The following HEPHL1 variants were observed in gnomAD, a reference collection of about 807,000 sequenced individuals.
The protein encoded by HEPHL1 is ferroxidase HEPHL1.
HEPHL1 carries 123 observed loss-of-function variants against 122.0 expected under a neutral mutation model. The observed-to-expected ratio is 1.01, with a 90% CI of 0.87 to 1.17. The LOEUF (loss-of-function observed/expected upper bound fraction) is 1.17. HEPHL1 is among the 50% of genes most tolerant of loss of function. The pLI, the probability that HEPHL1 is intolerant of heterozygous loss-of-function variation, is 0.00. For synonymous variants in HEPHL1, 527 were observed against 508.9 expected (o/e 1.04, Z -0.48); for missense variants, 1,452 against 1,430.5 (o/e 1.01, Z -0.24).
chr11:94,084,966 C>T (rs976295122), intron 10 of HEPHL1, among the ~76,000 whole-genome samples: 1 of 152,172 alleles, frequency 6.6e-6, no homozygotes, highest in Non-Finnish European at 1.5e-5. Context: ...ACTGCAATCA[C>T]TTTTGCACCA....
chr11:94,091,416 G>A (rs1946263176), intron 12 of HEPHL1, among the ~76,000 whole-genome samples: 1 of 152,142 alleles, frequency 6.6e-6, no homozygotes, highest in African/African-American at 2.4e-5. Flanking sequence ...GTTCTGCACT[G>A]GTCACTACCA....
intron 2 of HEPHL1, among the ~76,000 whole-genome samples, chr11:94,047,285 G>C (rs1470335040): frequency 6.6e-6 from 1 of 152,104 alleles, no homozygotes; most frequent in Non-Finnish European, 1.5e-5. Flanking sequence ...GGGATTTGTT[G>C]TAAAGATTAT....
intron 4 of HEPHL1, 27 bp downstream of exon 4, chr11:94,064,537 T>C (rs367858024): frequency 3.3e-4 from 498 of 1,527,550 alleles, no homozygotes; most frequent in Non-Finnish European, 4.1e-4. Flanking sequence ...TTCCCAAACG[T>C]ATACCAGGCC....
intron 1 of HEPHL1, among the ~76,000 whole-genome samples, chr11:94,033,956 C>T (rs1490875462): frequency 1.3e-5 from 2 of 152,062 alleles, no homozygotes; most frequent in Non-Finnish European, 2.9e-5. Flanking sequence ...GTGAGTCTAC[C>T]TCAAAGGGTG....
intron 13 of HEPHL1, among the ~76,000 whole-genome samples, chr11:94,099,622 A>T (rs920122512): frequency 6.6e-6 from 1 of 152,194 alleles, no homozygotes; most frequent in African/African-American, 2.4e-5. Context: ...TGGAGTCTAC[A>T]GAGGCAGGCA....
intron 17 of HEPHL1, among the ~76,000 whole-genome samples, chr11:94,108,294 C>G (rs1444413666): frequency 1.3e-5 from 2 of 152,076 alleles, no homozygotes; most frequent in African/African-American, 2.4e-5. Flanking sequence ...TTTATATATT[C>G]TGGATACAAA....
rs147551797 is a variant in HEPHL1, at chr11:94,111,695, G to A, written c.3281G>A (p.Arg1094Gln). The A allele has an allele frequency of 3.0e-4, 489 of 1,612,296 alleles. No individual in the cohort carries two copies. The highest frequency in any genetic ancestry group is 3.9e-4 in the Non-Finnish European group (458 of 1,178,968). The stretch of plus-strand genomic sequence containing the variant: ...GACAAGTTTATCTTTTTCACAGAAC[G>A]ACCTGGCAAAGAGCAGCTCTATTTC... ...SHPATVPSNE[R>Q]PGKEQLYFFG... is the part of the protein sequence containing the mutation. The change falls in exon 20 of 20, where the codon CGA (arginine) becomes CAA (glutamine). Residue 1094 changes from arginine to glutamine, a missense_variant. By Grantham distance (43) the Arg-to-Gln change is conservative. Transcript: ENST00000315765.
chr11:94,042,883 A>ACAAAACAAAAAACAAAC (rs1555058778), intron 1 of HEPHL1, among the ~76,000 whole-genome samples: 2 of 132,398 alleles, frequency 1.5e-5, no homozygotes, highest in Non-Finnish European at 3.2e-5. Flanking sequence ...AATAAAAAAA[A>ACAAAACAAAAAACAAAC]AAAAAAAAAA....
chr11:94,069,860 A>G (rs1038744356), intron 5 of HEPHL1, among the ~76,000 whole-genome samples: 8 of 152,174 alleles, frequency 5.3e-5, no homozygotes, highest in African/African-American at 7.2e-5. Flanking sequence ...TAAAAAAGCT[A>G]TGGACATACA....
intron 13 of HEPHL1, among the ~76,000 whole-genome samples, chr11:94,096,455 C>A (rs1013186021): frequency 2.0e-5 from 3 of 152,142 alleles, no homozygotes; most frequent in Non-Finnish European, 4.4e-5. Flanking sequence ...CATCAATGTT[C>A]ATTAGGGATA....
intron 1 of HEPHL1, among the ~76,000 whole-genome samples, chr11:94,035,977 C>G (rs1282511878): frequency 6.6e-6 from 1 of 152,216 alleles, no homozygotes. Flanking sequence ...ACCTCGTGAT[C>G]CGCCCGCCTC....
At chr11:94,067,987 C>T (rs868098097) in intron 5 of HEPHL1, among the ~76,000 whole-genome samples, 1 of 152,116 alleles carries the variant, frequency 6.6e-6, no homozygotes, top group African/African-American at 2.4e-5. Flanking sequence ...ATGAGACCTT[C>T]GAGGAACCTG....
rs1946109560 is a variant in HEPHL1 at position 94,075,162 on chromosome 11, T to C, written c.1505-12T>C. 1.2e-6 allele frequency: 2 copies of C among 1,608,410 alleles called. No individual in the cohort carries two copies. Among genetic ancestry groups the C allele is most frequent in the Admixed American group, 1.7e-5 (1 of 59,458 alleles). ...CTGTTGTTTTGAATAATTGTTTTGTTTATATCCTCAGGATTTGTGAAACCA... is the reference window on the plus strand; with the variant it reads ...CTGTTGTTTTGAATAATTGTTTTGTCTATATCCTCAGGATTTGTGAAACCA... On this transcript the variant is annotated splice_polypyrimidine_tract_variant and intron_variant, in intron 8 of 19. Coordinates refer to ENST00000315765, the MANE Select transcript of HEPHL1 (RefSeq NM_001098672.2).
intron 13 of HEPHL1, among the ~76,000 whole-genome samples, chr11:94,093,953 C>T (rs77396248): frequency 0.028 from 3,227 of 114,400 alleles, 171 homozygotes; most frequent in African/African-American, 0.1. Flanking sequence ...AGGAAATTTT[C>T]TTTTAAATCC....
intron 1 of HEPHL1, among the ~76,000 whole-genome samples, chr11:94,042,832 A>G (rs1242433164): frequency 7.3e-6 from 1 of 136,582 alleles, no homozygotes; most frequent in Non-Finnish European, 1.5e-5. Context: ...ATATGTAACT[A>G]ACCTGCACAT....
chr11:94,060,123 TATATATATATATATATATATATATATAC>T (rs1416888074), intron 2 of HEPHL1, among the ~76,000 whole-genome samples: 25 of 5,158 alleles, frequency 4.8e-3, no homozygotes, highest in East Asian at 5.7e-3. Flanking sequence ...TATATATATA[TATATATATATATATATATATATATATAC>T]ACGCACTGGG....
chr11:94,048,276 T>TA (rs1945858693), intron 2 of HEPHL1, among the ~76,000 whole-genome samples: 1 of 152,172 alleles, frequency 6.6e-6, no homozygotes, highest in Non-Finnish European at 1.5e-5. Flanking sequence ...CTATTGTGAA[T>TA]AATACTGCTA....
intron 12 of HEPHL1, among the ~76,000 whole-genome samples, chr11:94,091,275 A>T (rs560742289): frequency 6.6e-6 from 1 of 152,358 alleles, no homozygotes; most frequent in East Asian, 1.9e-4. Flanking sequence ...TATAGTGCTG[A>T]ACATGGGCCT....
Position 94,075,288 on chromosome 11 carries a change from A to G in HEPHL1, c.1619A>G (p.Tyr540Cys), listed in dbSNP as rs1946111594. The change falls in exon 9 of 20, where the codon TAC (tyrosine) becomes TGC (cysteine). Residue 540 changes from tyrosine to cysteine, a missense_variant. Coordinates refer to ENST00000315765, the MANE Select transcript of HEPHL1 (RefSeq NM_001098672.2). The stretch of plus-strand genomic sequence containing the variant: ...GATCCTCCCTGTCTGACCTATCTTT[A>G]CTTCTCAGCAGTTGATCCAATTAAG... ...AGDPPCLTYLYFSAVDPIKDT... is the reference protein window; with the variant it reads ...AGDPPCLTYLCFSAVDPIKDT... 1 of 1,613,398 alleles carries G rather than the reference A, an allele frequency of 6.2e-7. No individual in the cohort carries two copies. Among genetic ancestry groups the G allele is most frequent in the African/African-American group, 1.3e-5 (1 of 74,900 alleles).
Sources: gnomAD v4.1 joint callset for allele counts (sites outside exome capture counted in the v4.1 genomes callset) on GRCh38, gnomAD v4.1.1 for gene constraint, MANE v1.5 for transcripts, NCBI Gene and HGNC (gene_info 2026-07-23, HGNC 2026-07-21) for gene names.